CTNNA2: variants seen among roughly 807,000 people sequenced by gnomAD.
CTNNA2 encodes the protein catenin alpha-2.
Under a neutral mutation model 101.0 loss-of-function variants are expected in CTNNA2, and 42 were observed. That is an observed-to-expected ratio of 0.42 (90% CI 0.32 to 0.54). The LOEUF (loss-of-function observed/expected upper bound fraction) is 0.54. CTNNA2 is among the 20% of genes least tolerant of loss of function. The probability of loss-of-function intolerance (pLI) is 0.14; values close to 1 mark genes in which losing one functional copy is unlikely to be tolerated. For missense variants in CTNNA2, 871 were observed against 1,223.1 expected (o/e 0.71, Z 4.29); for synonymous variants, 450 against 456.4 (o/e 0.99, Z 0.18).
chr2:80,394,712 A>C (rs2149369415), intron 8 of CTNNA2, among the ~76,000 whole-genome samples: 1 of 152,108 alleles, frequency 6.6e-6, no homozygotes, highest in Non-Finnish European at 1.5e-5. Flanking sequence ...GTGATTGTGG[A>C]TCCTTCATCT....
intron 7 of CTNNA2, among the ~76,000 whole-genome samples, chr2:80,044,627 C>G (rs1289344644): frequency 6.6e-6 from 1 of 152,054 alleles, no homozygotes; most frequent in African/African-American, 2.4e-5. Flanking sequence ...ATTGATGTAC[C>G]CCCACTCTGG....
At chr2:79,858,302 A>G (rs1681304707) in intron 4 of CTNNA2, 123 bp downstream of exon 4, 1 of 580,404 alleles carries the variant, frequency 1.7e-6, no homozygotes, top group Non-Finnish European at 2.8e-6. Context: ...TTACCTACCC[A>G]TGTGGTGCCC....
chr2:80,429,596 A>T, intron 9 of CTNNA2, among the ~76,000 whole-genome samples: 1 of 152,238 alleles, frequency 6.6e-6, no homozygotes, highest in East Asian at 1.9e-4. Flanking sequence ...GCGTAATTGT[A>T]TAGGCATTAA....
intron 7 of CTNNA2, among the ~76,000 whole-genome samples, chr2:80,295,628 GA>G (rs1675676040): frequency 6.6e-6 from 1 of 152,174 alleles, no homozygotes; most frequent in Admixed American, 6.5e-5. Flanking sequence ...CCCCAAACTG[GA>G]AAGGTTCTTA....
chr2:79,559,025 C>T (rs559458480), intron 1 of CTNNA2, among the ~76,000 whole-genome samples: 25 of 151,920 alleles, frequency 1.6e-4, no homozygotes, highest in African/African-American at 5.8e-4. Context: ...ATTTTATCCT[C>T]GGTTTTCATA....
chr2:79,538,435 G>T (rs1029243183), intron 1 of CTNNA2, among the ~76,000 whole-genome samples: 3 of 152,100 alleles, frequency 2.0e-5, no homozygotes, highest in Middle Eastern at 3.2e-3. Flanking sequence ...GTGGTATTTA[G>T]TTATCTTTGG....
chr2:80,581,480 C>T (rs963894304), intron 13 of CTNNA2, among the ~76,000 whole-genome samples: 6 of 152,086 alleles, frequency 3.9e-5, no homozygotes, highest in Admixed American at 2.6e-4. Flanking sequence ...CTTACTATAC[C>T]TGTATGAGGA....
chr2:79,801,827 A>G (rs1676180321), intron 3 of CTNNA2, among the ~76,000 whole-genome samples: 1 of 151,920 alleles, frequency 6.6e-6, no homozygotes, highest in Non-Finnish European at 1.5e-5. Flanking sequence ...CCCCTTCTCT[A>G]CTAAAAATAT....
At chr2:80,117,441 A>G (rs1455943480) in intron 7 of CTNNA2, among the ~76,000 whole-genome samples, 2 of 110,478 alleles carry the variant, frequency 1.8e-5, no homozygotes, top group African/African-American at 6.7e-5. Flanking sequence ...TTCAGCATAG[A>G]TGGTTCCTGT....
At chr2:79,344,474 C>T (rs1677210232) in intron 3 of CTNNA2, among the ~76,000 whole-genome samples, 1 of 152,056 alleles carries the variant, frequency 6.6e-6, no homozygotes, top group African/African-American at 2.4e-5. Flanking sequence ...AAAAGTTTCA[C>T]ATAATAGGTC....
intron 12 of CTNNA2, among the ~76,000 whole-genome samples, chr2:80,564,515 T>G (rs969148997): frequency 6.6e-6 from 1 of 151,982 alleles, no homozygotes; most frequent in Non-Finnish European, 1.5e-5. Flanking sequence ...GAGAGTTTTT[T>G]TTTTTTTTTT....
chr2:79,642,809 A>G (rs185402645), intron 1 of CTNNA2, among the ~76,000 whole-genome samples: 4 of 150,614 alleles, frequency 2.7e-5, no homozygotes, highest in Non-Finnish European at 5.9e-5. Flanking sequence ...TTCTGCTCCT[A>G]TCTGTGATAC....
intron 7 of CTNNA2, among the ~76,000 whole-genome samples, chr2:79,952,675 T>C (rs1461247648): frequency 9.2e-5 from 14 of 152,042 alleles, no homozygotes; most frequent in Admixed American, 9.2e-4. Flanking sequence ...GGACTGGCAG[T>C]TTTTGTGGTG....
intron 6 of CTNNA2, among the ~76,000 whole-genome samples, chr2:79,881,543 A>G (rs929584305): frequency 6.6e-6 from 1 of 152,010 alleles, no homozygotes; most frequent in Non-Finnish European, 1.5e-5. Context: ...TTCTTGTTGA[A>G]TTGTACCCTT....
rs117589428 is a variant in CTNNA2 at position 79,584,243 on chromosome 2, C to T, written c.-5-67309C>T. ...AAAGGAAGACTTTGCCTCATCTACTCAGACTACCTGTTTATCCTATGGTTC... is the reference window on the plus strand; with the variant it reads ...AAAGGAAGACTTTGCCTCATCTACTTAGACTACCTGTTTATCCTATGGTTC... On this transcript the variant is annotated intron_variant, in intron 1 of 18. Coordinates refer to ENST00000402739, the MANE Select transcript of CTNNA2 (RefSeq NM_001282597.3). 5.6e-4 allele frequency among the ~76,000 whole-genome samples: 86 copies of T among 152,280 alleles called. No individual in the cohort carries two copies. The East Asian group carries it at 0.015, about 27-fold the overall frequency.
chr2:79,288,619 A>G (rs1675694641), intron 2 of CTNNA2, among the ~76,000 whole-genome samples: 1 of 151,808 alleles, frequency 6.6e-6, no homozygotes. Flanking sequence ...CTCTCTCCAC[A>G]TGGTCTTTCC....
intron 1 of CTNNA2, among the ~76,000 whole-genome samples, chr2:79,516,872 A>G (rs990391221): frequency 6.6e-6 from 1 of 152,196 alleles, no homozygotes; most frequent in African/African-American, 2.4e-5. Context: ...CCAGGACTAT[A>G]TCTCGTTGTA....
intron 15 of CTNNA2, among the ~76,000 whole-genome samples, chr2:80,598,473 AG>A (rs1016810365): frequency 4.6e-5 from 7 of 152,098 alleles, no homozygotes; most frequent in African/African-American, 9.7e-5. Context: ...AAAAAAAAAA[AG>A]AATCTCAAAA....
At chr2:79,766,207 C>T (rs1346135399) in intron 3 of CTNNA2, among the ~76,000 whole-genome samples, 1 of 152,122 alleles carries the variant, frequency 6.6e-6, no homozygotes, top group Non-Finnish European at 1.5e-5. Context: ...TCTTGTAGGA[C>T]AGGTCTGGTG....
Sources: allele counts gnomAD v4.1 joint callset (sites outside exome capture counted in the v4.1 genomes callset), GRCh38; gene constraint gnomAD v4.1.1; transcripts MANE v1.5; gene names NCBI Gene and HGNC (gene_info 2026-07-23, HGNC 2026-07-21).